STK4: variants seen among roughly 807,000 people sequenced by gnomAD.
STK4 encodes the protein serine/threonine kinase 4, also known as serine/threonine-protein kinase 4.
Under a neutral mutation model 64.9 loss-of-function variants are expected in STK4, and 30 were observed. The ratio of observed to expected loss-of-function variants is 0.46; its 90% CI spans 0.35 to 0.63. STK4 has a LOEUF of 0.63. Ranked by LOEUF, STK4 falls within the 20% of genes least tolerant of loss-of-function variation. STK4 has a pLI of 0.01. For missense variants in STK4, 466 were observed against 598.5 expected, an observed-to-expected ratio of 0.78 and a Z score of 2.31; for synonymous variants, 177 against 199.0, an observed-to-expected ratio of 0.89 and a Z score of 0.93.
chr20:45,047,389 G>T (rs1009317786), intron 10 of STK4, among the ~76,000 whole-genome samples: 4 of 152,172 alleles, frequency 2.6e-5, no homozygotes, highest in African/African-American at 9.6e-5. Flanking sequence ...TTATATATGT[G>T]CCGATGGTAA....
chr20:45,068,808 T>C (rs1979810978), intron 10 of STK4, among the ~76,000 whole-genome samples: 1 of 152,194 alleles, frequency 6.6e-6, no homozygotes, highest in South Asian at 2.1e-4. Flanking sequence ...GCAGACAAAA[T>C]GTTGAGTTCA....
At chr20:44,993,414 A>G (rs2067671643) in intron 5 of STK4, among the ~76,000 whole-genome samples, 1 of 152,186 alleles carries the variant, frequency 6.6e-6, no homozygotes, top group Non-Finnish European at 1.5e-5. Context: ...CTAGCTATCC[A>G]AGTAACCATT....
intron 9 of STK4, among the ~76,000 whole-genome samples, chr20:45,009,338 C>A (rs2180291): frequency 0.89 from 135,319 of 152,194 alleles, 60,413 homozygotes; most frequent in African/African-American, 0.96. Context: ...CGAAGATTAG[C>A]TGGTTGTAGG....
intron 3 of STK4, among the ~76,000 whole-genome samples, chr20:44,979,816 A>G (rs2067406066): frequency 6.6e-6 from 1 of 151,172 alleles, no homozygotes; most frequent in African/African-American, 2.4e-5. Context: ...ACTAGATAAA[A>G]TCCCCATTTT....
At chr20:44,973,171 T>G (rs2067280407) in intron 2 of STK4, 1 of 152,244 alleles carries the variant, frequency 6.6e-6, no homozygotes, top group Admixed American at 6.5e-5. Context: ...CATTAGATTA[T>G]TTTTTGGGTT....
chr20:45,018,627 T>C (rs548103876), intron 9 of STK4, among the ~76,000 whole-genome samples: 25 of 152,332 alleles, frequency 1.6e-4, no homozygotes, highest in African/African-American at 5.8e-4. Flanking sequence ...TTTGTTCATT[T>C]AAAGTGTACA....
rs2067707396 is a variant in STK4, at chr20:44,995,271, C to T, written c.693+14C>T. On this transcript the variant is annotated intron_variant, in intron 6 of 10. Coordinates refer to ENST00000372806, the MANE Select transcript of STK4 (RefSeq NM_006282.5). ...CATCCAATGAGGGTAAGAAAGTGGA[C>T]AGAAAGCCAGTGGGGTGGTTAGTTA... 6.2e-7 allele frequency: 1 copy of T among 1,602,924 alleles called. No individual in the cohort carries two copies. Among genetic ancestry groups the T allele is most frequent in the Non-Finnish European group, 8.5e-7 (1 of 1,174,638 alleles).
At chr20:45,045,320 C>T (rs1037110718) in intron 10 of STK4, among the ~76,000 whole-genome samples, 1 of 152,120 alleles carries the variant, frequency 6.6e-6, no homozygotes, top group Non-Finnish European at 1.5e-5. Context: ...AACTGGAGCC[C>T]AGAGACATTT....
intron 3 of STK4, among the ~76,000 whole-genome samples, chr20:44,979,788 T>C (rs2067405269): frequency 1.3e-5 from 2 of 152,048 alleles, no homozygotes. Flanking sequence ...TTCCCTTCTA[T>C]TTTTGTGATT....
Position 44,978,510 on chromosome 20 carries a change from C to G in STK4, c.184C>G (p.Pro62Ala), listed in dbSNP as rs1190323794. The G allele has an allele frequency of 1.2e-6, 2 of 1,613,968 alleles. No homozygotes were observed. Among genetic ancestry groups the G allele is most frequent in the Non-Finnish European group, 1.7e-6 (2 of 1,180,014 alleles). ...TGQIVAIKQV[P>A]VESDLQEIIK... ...CCAGATTGTTGCTATTAAGCAAGTTCCTGTGGAATCAGACCTCCAGGAGAT... is the reference window on the plus strand; with the variant it reads ...CCAGATTGTTGCTATTAAGCAAGTTGCTGTGGAATCAGACCTCCAGGAGAT... Residue 62 changes from proline (P) to alanine (A), a missense_variant, in exon 3 of 11, where the codon CCT (proline) becomes GCT (alanine). Pro to Ala is a conservative substitution (Grantham distance 27). Coordinates refer to ENST00000372806, the MANE Select transcript of STK4 (RefSeq NM_006282.5).
intron 9 of STK4, among the ~76,000 whole-genome samples, chr20:45,006,689 C>A (rs1009948064): frequency 1.3e-5 from 2 of 152,136 alleles, no homozygotes; most frequent in East Asian, 1.9e-4. Context: ...TAGATTATTT[C>A]TCAGTTCCAC....
At chr20:44,991,274 G>A (rs557694161) in intron 5 of STK4, among the ~76,000 whole-genome samples, 8 of 152,288 alleles carry the variant, frequency 5.3e-5, no homozygotes, top group African/African-American at 1.9e-4. Context: ...CATTAAGGTT[G>A]CTTAGAGTTT....
At chr20:45,044,823 C>T (rs2068668638) in intron 10 of STK4, among the ~76,000 whole-genome samples, 1 of 152,012 alleles carries the variant, frequency 6.6e-6, no homozygotes, top group Non-Finnish European at 1.5e-5. Context: ...GGTGAGTCAC[C>T]CTCCTCTTTG....
intron 9 of STK4, among the ~76,000 whole-genome samples, chr20:45,014,719 G>A (rs1010837358): frequency 4.6e-5 from 7 of 152,024 alleles, no homozygotes; most frequent in African/African-American, 9.7e-5. Flanking sequence ...GACATGCGGC[G>A]GTTCTTCCTC....
At chr20:44,967,775 A>G (rs1278362106) in intron 1 of STK4, among the ~76,000 whole-genome samples, 1 of 152,224 alleles carries the variant, frequency 6.6e-6, no homozygotes, top group Non-Finnish European at 1.5e-5. Flanking sequence ...CAAACATTGC[A>G]GAAGGCAAAT....
In STK4 at chr20:45,037,417, T is replaced by C. The variant is rs1276381270; in HGVS notation, c.1305+12287T>C. Among the ~76,000 whole-genome samples, 4 of 152,152 alleles carry C rather than the reference T, an allele frequency of 2.6e-5. No individual in the cohort carries two copies. In the East Asian group the frequency reaches 7.7e-4, roughly 29 times the overall value. ...GTACTCTTTTAGATTTTTTCCTTGG[T>C]ATATCAGAGAAATTAAAAATGGAGT... On this transcript the variant is annotated intron_variant, in intron 10 of 10. Coordinates refer to ENST00000372806, the MANE Select transcript of STK4 (RefSeq NM_006282.5).
intron 10 of STK4, among the ~76,000 whole-genome samples, chr20:45,035,971 C>T (rs929311337): frequency 1.4e-5 from 2 of 147,062 alleles, no homozygotes; most frequent in Non-Finnish European, 3.1e-5. Flanking sequence ...GTTGTTATTG[C>T]CATTTTAGGG....
chr20:45,015,964 C>G (rs1568723869), intron 9 of STK4, among the ~76,000 whole-genome samples: 1 of 152,104 alleles, frequency 6.6e-6, no homozygotes, highest in Non-Finnish European at 1.5e-5. Context: ...TTCCTTTTCT[C>G]TTGATACTAA....
At chr20:44,971,605 T>C (rs1301025458) in intron 1 of STK4, among the ~76,000 whole-genome samples, 1 of 152,110 alleles carries the variant, frequency 6.6e-6, no homozygotes, top group East Asian at 1.9e-4. Context: ...AATCTCAAGA[T>C]TTAAATAGAT....
Sources: allele counts gnomAD v4.1 joint callset (sites outside exome capture counted in the v4.1 genomes callset), GRCh38; gene constraint gnomAD v4.1.1; transcripts MANE v1.5; gene names NCBI Gene and HGNC (gene_info 2026-07-23, HGNC 2026-07-21).